The following RASA3 variants were observed in gnomAD, a reference collection of about 807,000 sequenced individuals.
RASA3 encodes the protein RAS p21 protein activator 3.
Under a neutral mutation model 110.0 loss-of-function variants are expected in RASA3, and 73 were observed. The ratio of observed to expected loss-of-function variants is 0.66; its 90% CI spans 0.55 to 0.81. The LOEUF (loss-of-function observed/expected upper bound fraction) is 0.81, where lower values mean the gene tolerates loss of function less well. Ranked by LOEUF, RASA3 falls within the 30% of genes least tolerant of loss-of-function variation. The probability of loss-of-function intolerance (pLI) is 0.00; values close to 1 mark genes in which losing one functional copy is unlikely to be tolerated. For synonymous variants in RASA3, 500 were observed against 451.4 expected, an observed-to-expected ratio of 1.11 and a Z score of -1.37; for missense variants, 976 against 1,113.2, an observed-to-expected ratio of 0.88 and a Z score of 1.75.
intron 21 of RASA3, among the ~76,000 whole-genome samples, chr13:113,993,431 C>A (rs943123457): frequency 4.6e-5 from 7 of 152,022 alleles, no homozygotes; most frequent in Non-Finnish European, 8.8e-5. Context: ...CCACCTCGAC[C>A]TCCCAAAGTG....
At chr13:114,078,229 A>G (rs971614764) in intron 1 of RASA3, among the ~76,000 whole-genome samples, 2 of 152,228 alleles carry the variant, frequency 1.3e-5, no homozygotes, top group Admixed American at 6.5e-5. Context: ...CCAGCTCCCA[A>G]GCAACTGTTT....
At chr13:114,088,053 C>T (rs938284443) in intron 1 of RASA3, among the ~76,000 whole-genome samples, 10 of 152,108 alleles carry the variant, frequency 6.6e-5, no homozygotes, top group Admixed American at 2.0e-4. Flanking sequence ...ATCACTTGAT[C>T]CCAGGAGGTG....
chr13:114,054,300 A>G (rs929576883), intron 2 of RASA3, among the ~76,000 whole-genome samples: 7 of 152,268 alleles, frequency 4.6e-5, no homozygotes, highest in East Asian at 1.9e-4. Context: ...TTGAACACAC[A>G]TATCACCAAA....
intron 1 of RASA3, among the ~76,000 whole-genome samples, chr13:114,117,751 G>C (rs1360119290): frequency 7.1e-6 from 1 of 140,556 alleles, no homozygotes; most frequent in Non-Finnish European, 1.5e-5. Context: ...ACGTGTGTGA[G>C]GGATGCACGT....
chr13:113,994,039 G>T (rs1197144992), intron 21 of RASA3, among the ~76,000 whole-genome samples: 1 of 152,112 alleles, frequency 6.6e-6, no homozygotes, highest in East Asian at 1.9e-4. Flanking sequence ...CTTTTTAAAA[G>T]GCAGAAATGC....
intron 2 of RASA3, among the ~76,000 whole-genome samples, chr13:114,055,438 C>T (rs941036264): frequency 6.6e-6 from 1 of 152,264 alleles, no homozygotes; most frequent in African/African-American, 2.4e-5. Flanking sequence ...CCTGGAGAAG[C>T]TTGGTGCTCT....
intron 1 of RASA3, among the ~76,000 whole-genome samples, chr13:114,102,980 C>G (rs909340594): frequency 6.6e-5 from 10 of 152,064 alleles, no homozygotes; most frequent in Admixed American, 4.6e-4. Flanking sequence ...ACCAAACCAC[C>G]CCTGCTGCTC....
rs894930733 is a variant in RASA3 at position 114,114,188 on chromosome 13, G to A, written c.55+18247C>T. On this transcript the variant is annotated intron_variant, in intron 1 of 23. Coordinates refer to ENST00000334062, the MANE Select transcript of RASA3 (RefSeq NM_007368.4). This position sits in a 1 kb window ranked among gnomAD's most constrained non-coding sequence, Gnocchi z 4.8. Reference sequence around the variant, plus strand: ...CCCCACCACGGTGAGCGTCTGCGATGTCCGTGCAGGGGAGAGAGACCTGGC... The same window carrying A: ...CCCCACCACGGTGAGCGTCTGCGATATCCGTGCAGGGGAGAGAGACCTGGC... 1.3e-5 allele frequency among the ~76,000 whole-genome samples: 2 copies of A among 152,256 alleles called. No homozygotes were observed. Among genetic ancestry groups the A allele is most frequent in the East Asian group, 3.8e-4 (2 of 5,206 alleles).
Position 114,039,747 on chromosome 13 carries a change from G to A in RASA3, c.372+1253C>T, listed in dbSNP as rs140579275. 4.1e-3 allele frequency among the ~76,000 whole-genome samples: 632 copies of A among 152,348 alleles called. 2 individuals are homozygous for A. The highest frequency in any genetic ancestry group is 0.014 in the African/African-American group (602 of 41,580). The stretch of plus-strand genomic sequence containing the variant: ...GTTGCCGGGCAGCTGGGCACCGTGC[G>A]TCCGTGAGCAGCTGTGAACACAAGG... On this transcript the variant is annotated intron_variant, in intron 4 of 23. Coordinates refer to ENST00000334062, the MANE Select transcript of RASA3 (RefSeq NM_007368.4).
chr13:114,105,466 G>A (rs973274600), intron 1 of RASA3, among the ~76,000 whole-genome samples: 4 of 152,174 alleles, frequency 2.6e-5, no homozygotes, highest in African/African-American at 9.7e-5. Context: ...GGACACCTAG[G>A]GGAAAAGGGC....
chr13:114,032,237 T>G (rs1404747828), intron 4 of RASA3, among the ~76,000 whole-genome samples: 2 of 152,126 alleles, frequency 1.3e-5, no homozygotes, highest in African/African-American at 4.8e-5. Context: ...CCGGCTCTAT[T>G]CTGAATTTCT....
chr13:114,108,782 C>T (rs2080175941), intron 1 of RASA3: 1 of 152,208 alleles, frequency 6.6e-6, no homozygotes, highest in South Asian at 2.1e-4. Flanking sequence ...ACTCTGGACC[C>T]TGTGTCTGGG....
rs2053990516 is a variant in RASA3, at chr13:114,024,457, C to T, written c.604-102G>A. ...CTGCCCTACCCTCTGCGCTTACCCA[C>T]ACACCACTCAAGGGCCACAACCAGG... On this transcript the variant is annotated intron_variant, in intron 7 of 23. Transcript: ENST00000334062. 4.9e-6 allele frequency: 5 copies of T among 1,015,684 alleles called. No homozygotes were observed. In the Admixed American group the frequency reaches 7.2e-5, roughly 15 times the overall value. 62.9% of individuals were successfully genotyped at this position (1,015,684 alleles called of 1,614,324 possible). A position where few individuals can be genotyped will look rare whatever the true frequency, so the allele number is the denominator to read the frequency against.
chr13:114,117,388 G>GTGTGAGGGGAGCACGTC (rs1594474176), intron 1 of RASA3, among the ~76,000 whole-genome samples: 2 of 146,850 alleles, frequency 1.4e-5, no homozygotes, highest in Non-Finnish European at 3.0e-5. Flanking sequence ...GGGAGCACGT[G>GTGTGAGGGGAGCACGTC]TGTGAGGGGA....
chr13:114,043,416 G>C (rs2054458723), intron 3 of RASA3, among the ~76,000 whole-genome samples: 1 of 152,136 alleles, frequency 6.6e-6, no homozygotes, highest in South Asian at 2.1e-4. Flanking sequence ...GCAAAGCAAA[G>C]CAGCCCTGGG....
intron 7 of RASA3, among the ~76,000 whole-genome samples, chr13:114,026,317 A>G (rs1356287657): frequency 6.6e-6 from 1 of 151,798 alleles, no homozygotes; most frequent in Non-Finnish European, 1.5e-5. Context: ...TGCCTCCTGC[A>G]CCTCCAACAG....
At chr13:114,000,210 C>T (rs553470749) in intron 19 of RASA3, among the ~76,000 whole-genome samples, 48 of 151,404 alleles carry the variant, frequency 3.2e-4, no homozygotes, top group Non-Finnish European at 5.2e-4. Flanking sequence ...TGCCCTGGGC[C>T]GGAGGAGGTG....
intron 4 of RASA3, among the ~76,000 whole-genome samples, chr13:114,037,797 T>G (rs992077692): frequency 6.7e-4 from 102 of 152,242 alleles, no homozygotes; most frequent in African/African-American, 2.4e-3. Flanking sequence ...TGCACAAACG[T>G]CGGCGTCCTG....
At chr13:113,980,425 C>G (rs934238002) in intron 23 of RASA3, among the ~76,000 whole-genome samples, 1 of 149,504 alleles carries the variant, frequency 6.7e-6, no homozygotes, top group Non-Finnish European at 1.5e-5. Flanking sequence ...TGTTCACCTC[C>G]TCCGTGTGTG....
Sources: allele counts gnomAD v4.1 joint callset (sites outside exome capture counted in the v4.1 genomes callset), GRCh38; gene constraint gnomAD v4.1.1; non-coding constraint Gnocchi (gnomAD v3.1); transcripts MANE v1.5; gene names NCBI Gene and HGNC (gene_info 2026-07-23, HGNC 2026-07-21).